TMEM229B: variants seen among roughly 807,000 people sequenced by gnomAD.
TMEM229B encodes the protein chromosome 14 open reading frame 83.
A neutral mutation model predicts 13.7 loss-of-function variants in TMEM229B; 6 were observed. The ratio of observed to expected loss-of-function variants is 0.44; its 90% CI spans 0.24 to 0.86. TMEM229B has a LOEUF of 0.86. TMEM229B is among the 40% of genes least tolerant of loss of function. The probability of loss-of-function intolerance (pLI) is 0.23; values close to 1 mark genes in which losing one functional copy is unlikely to be tolerated. For synonymous variants in TMEM229B, 107 were observed against 102.1 expected, an observed-to-expected ratio of 1.05 and a Z score of -0.29; for missense variants, 170 against 236.0, an observed-to-expected ratio of 0.72 and a Z score of 1.83.
At chr14:67,479,313 G>T (rs867769833) in intron 2 of TMEM229B, among the ~76,000 whole-genome samples, 1 of 151,492 alleles carries the variant, frequency 6.6e-6, no homozygotes, top group Admixed American at 6.6e-5. Flanking sequence ...GGCTGAGGCA[G>T]AAGAATTGCT....
At position 67,473,450 on chromosome 14, in the gene TMEM229B, G is replaced by C. The variant is rs778840204; in HGVS notation, c.474C>G (p.Ala158=). 34 of 1,614,132 alleles carry C rather than the reference G, an allele frequency of 2.1e-5. No homozygotes were observed. Among genetic ancestry groups the C allele is most frequent in the Non-Finnish European group, 2.9e-5 (34 of 1,180,028 alleles). ...AEPGEPSGAL[A]LANGHVKTD ...CAGTCTTGACATGGCCGTTGGCCAG[G>C]GCTAGGGCGCCGCTGGGCTCCCCGG... The change falls in exon 3 of 3, where the codon GCC becomes GCG. Residue 158 remains alanine (A), a synonymous_variant. Coordinates refer to ENST00000554480, the MANE Select transcript of TMEM229B (RefSeq NM_001348543.2). This position sits in a 1 kb window ranked among gnomAD's most constrained non-coding sequence, Gnocchi z 6.5.
upstream of TMEM229B, among the ~76,000 whole-genome samples, chr14:67,489,943 C>T (rs1171329876): frequency 2.6e-5 from 4 of 151,558 alleles, no homozygotes; most frequent in South Asian, 2.1e-4. Flanking sequence ...TGATCTGAGA[C>T]CACGCCACTG....
chr14:67,492,105 C>T (rs1036912119), upstream of TMEM229B, among the ~76,000 whole-genome samples: 3 of 152,158 alleles, frequency 2.0e-5, no homozygotes, highest in African/African-American at 7.2e-5. Flanking sequence ...CCATCTAGCC[C>T]ACTCTATCTC....
intron 1 of TMEM229B, among the ~76,000 whole-genome samples, chr14:67,523,181 G>T (rs143536292): frequency 0.014 from 2,169 of 152,212 alleles, 50 homozygotes; most frequent in African/African-American, 0.049. Context: ...AAATTAGCTG[G>T]GTGTGGTGGC....
upstream of TMEM229B, among the ~76,000 whole-genome samples, chr14:67,492,727 C>T (rs949253774): frequency 2.6e-5 from 4 of 152,216 alleles, no homozygotes; most frequent in African/African-American, 4.8e-5. Flanking sequence ...TTCTAAACAA[C>T]AAGGGAACTT....
intron 1 of TMEM229B, among the ~76,000 whole-genome samples, chr14:67,512,844 G>A (rs1420574613): frequency 6.6e-6 from 1 of 152,162 alleles, no homozygotes; most frequent in East Asian, 1.9e-4. Flanking sequence ...AAAAAAGCTT[G>A]CTGCCTAAGT....
intron 1 of TMEM229B, among the ~76,000 whole-genome samples, chr14:67,494,851 C>A (rs1197665031): frequency 1.3e-5 from 2 of 152,168 alleles, no homozygotes; most frequent in Non-Finnish European, 2.9e-5. Context: ...GTGATTCAGG[C>A]CTGTAATCCC....
At chr14:67,531,643 G>A (rs1437267809) in intron 1 of TMEM229B, among the ~76,000 whole-genome samples, 3 of 151,236 alleles carry the variant, frequency 2.0e-5, no homozygotes, top group Non-Finnish European at 2.9e-5. Context: ...GCCGAGGTGC[G>A]GTGGCTCATC....
rs1449729851 is a variant in TMEM229B at position 67,473,479 on chromosome 14, C to T, written c.445G>A (p.Glu149Lys). The T allele has an allele frequency of 6.2e-7, 1 of 1,614,120 alleles. No homozygotes were observed. Among genetic ancestry groups the T allele is most frequent in the Non-Finnish European group, 8.5e-7 (1 of 1,180,050 alleles). ...AGGGCGCCGCTGGGCTCCCCGGGCTCAGCGTCCTTGTCGAAGCGGAGGCGG... is the reference window on the plus strand; with the variant it reads ...AGGGCGCCGCTGGGCTCCCCGGGCTTAGCGTCCTTGTCGAAGCGGAGGCGG... ...TLRLRFDKDA[E>K]PGEPSGALAL... Residue 149 changes from glutamate to lysine, a missense_variant, in exon 3 of 3, where the codon GAG becomes AAG. Glu to Lys is a moderately conservative substitution (Grantham distance 56, BLOSUM62 1). This residue lies in a region of TMEM229B where 70 missense variants were observed against 60.9 expected (regional missense o/e 1.15). Coordinates refer to ENST00000554480, the MANE Select transcript of TMEM229B (RefSeq NM_001348543.2). The surrounding 1 kb of genome is among the most constrained non-coding windows in gnomAD (Gnocchi z 6.5).
intron 1 of TMEM229B, among the ~76,000 whole-genome samples, chr14:67,499,508 T>C (rs752122740): frequency 1.3e-5 from 2 of 152,234 alleles, no homozygotes; most frequent in Non-Finnish European, 2.9e-5. Context: ...GATAAATGTT[T>C]CAATGTCTGG....
At chr14:67,498,663 T>C (rs1158593964) in intron 1 of TMEM229B, among the ~76,000 whole-genome samples, 1 of 152,126 alleles carries the variant, frequency 6.6e-6, no homozygotes, top group African/African-American at 2.4e-5. Context: ...ATGTGTTTTG[T>C]TGTTGTTGGT....
intron 1 of TMEM229B, among the ~76,000 whole-genome samples, chr14:67,509,575 T>G (rs577601716): frequency 2.6e-5 from 4 of 152,202 alleles, no homozygotes; most frequent in Non-Finnish European, 4.4e-5. Flanking sequence ...CACCTCGGCC[T>G]CCTAAAGTGC....
At chr14:67,514,422 G>T (rs889041545) in intron 1 of TMEM229B, among the ~76,000 whole-genome samples, 15 of 152,186 alleles carry the variant, frequency 9.9e-5, no homozygotes, top group Non-Finnish European at 1.8e-4. Context: ...GAGGACCAGA[G>T]ATCAGGGAGG....
upstream of TMEM229B, among the ~76,000 whole-genome samples, chr14:67,517,169 T>A (rs577619736): frequency 2.0e-5 from 3 of 152,268 alleles, 1 homozygote; most frequent in African/African-American, 7.2e-5. Context: ...AAGCAGCTAG[T>A]CTAGCAGCAA....
At chr14:67,492,189 GGTCCCAC>G (rs1415686694), upstream of TMEM229B, among the ~76,000 whole-genome samples, 1 of 152,054 alleles carries the variant, frequency 6.6e-6, no homozygotes, top group Non-Finnish European at 1.5e-5. Flanking sequence ...GGTGGTCTCT[GGTCCCAC>G]GTCTATTTCC....
chr14:67,471,621 C>G lies in TMEM229B; in HGVS notation c.*1799G>C, dbSNP rs937827089. ...GTAGTTCATCCCTGGATTTGAGGAGCCTGCCCAGGAAATAGGCTAGGAAAT... is the reference window on the plus strand; with the variant it reads ...GTAGTTCATCCCTGGATTTGAGGAGGCTGCCCAGGAAATAGGCTAGGAAAT... On this transcript the variant is annotated 3_prime_UTR_variant, in exon 3 of 3. Coordinates refer to ENST00000554480, the MANE Select transcript of TMEM229B (RefSeq NM_001348543.2). 6.6e-6 allele frequency: 1 copy of G among 152,182 alleles called. No individual in the cohort carries two copies. The highest frequency in any genetic ancestry group is 1.5e-5 in the Non-Finnish European group (1 of 68,058). 9.4% of individuals were successfully genotyped at this position (152,182 alleles called of 1,614,324 possible). A position where few individuals can be genotyped will look rare whatever the true frequency, so the allele number is the denominator to read the frequency against.
intron 1 of TMEM229B, among the ~76,000 whole-genome samples, chr14:67,531,574 C>T (rs1035481442): frequency 6.6e-6 from 1 of 151,730 alleles, no homozygotes; most frequent in African/African-American, 2.4e-5. Flanking sequence ...CCTCCCATTC[C>T]ACTCTCCATG....
chr14:67,480,234 G>T (rs546401046), intron 2 of TMEM229B, among the ~76,000 whole-genome samples: 2 of 152,040 alleles, frequency 1.3e-5, no homozygotes, highest in Non-Finnish European at 2.9e-5. Context: ...CCCTGCTCTC[G>T]GCAGCCTCCA....
At chr14:67,513,684 T>C (rs909840127) in intron 1 of TMEM229B, among the ~76,000 whole-genome samples, 2 of 152,172 alleles carry the variant, frequency 1.3e-5, no homozygotes, top group Admixed American at 1.3e-4. Flanking sequence ...CTTGTATCAT[T>C]AGGTCATTCA....
Sources: allele counts gnomAD v4.1 joint callset (sites outside exome capture counted in the v4.1 genomes callset), GRCh38; gene constraint gnomAD v4.1.1; regional missense constraint gnomAD v4.1.1; non-coding constraint Gnocchi (gnomAD v3.1); transcripts MANE v1.5; gene names NCBI Gene and HGNC (gene_info 2026-07-23, HGNC 2026-07-21).